The following CD226 variants were observed in gnomAD, a reference collection of about 807,000 sequenced individuals.
CD226 encodes CD226 antigen.
A neutral mutation model predicts 34.9 loss-of-function variants in CD226; 24 were observed. The observed-to-expected ratio is 0.69, with a 90% CI of 0.50 to 0.97. The LOEUF (loss-of-function observed/expected upper bound fraction) is 0.97, where lower values mean the gene tolerates loss of function less well. Among genes scored for constraint, CD226 ranks in the 50% least tolerant of loss-of-function variants. CD226 has a pLI of 0.00. For synonymous variants in CD226, 148 were observed against 147.4 expected (o/e 1.00, Z -0.03); for missense variants, 397 against 412.7 (o/e 0.96, Z 0.33).
intron 2 of CD226, among the ~76,000 whole-genome samples, chr18:69,909,278 C>T (rs990686562): frequency 1.3e-5 from 2 of 152,150 alleles, no homozygotes; most frequent in African/African-American, 4.8e-5. Flanking sequence ...GTGAATGATA[C>T]CAGGAACTCA....
Position 69,946,842 on chromosome 18 carries a change from T to C in CD226, c.274A>G (p.Thr92Ala). 6.2e-7 allele frequency: 1 copy of C among 1,613,358 alleles called. No individual in the cohort carries two copies. The change falls in exon 2 of 6, where the codon ACT becomes GCT. Residue 92 changes from threonine (T) to alanine (A), a missense_variant. Physicochemically the swap from Thr to Ala is moderately conservative, Grantham distance 58. Coordinates refer to ENST00000582621, the MANE Select transcript of CD226 (RefSeq NM_001303618.2). ...LNSTMASNNM[T>A]LFFRNASEDD... The stretch of plus-strand genomic sequence containing the variant: ...TCAGAGGCATTCCGAAAGAAAAGAG[T>C]CATGTTATTGGAAGCCATCGTTGAA...
intron 2 of CD226, among the ~76,000 whole-genome samples, chr18:69,900,687 G>C (rs762318373): frequency 1.8e-3 from 269 of 145,780 alleles, no homozygotes; most frequent in South Asian, 4.8e-3. Context: ...AGCCGAGATT[G>C]CGCCACTGCA....
At chr18:69,956,460 C>G (rs2055898039) in intron 1 of CD226, among the ~76,000 whole-genome samples, 1 of 152,194 alleles carries the variant, frequency 6.6e-6, no homozygotes, top group Admixed American at 6.5e-5. Flanking sequence ...AAAATTAGCT[C>G]AGTTTTCTTA....
At chr18:69,915,462 C>T (rs2055374254) in intron 2 of CD226, among the ~76,000 whole-genome samples, 4 of 152,162 alleles carry the variant, frequency 2.6e-5, no homozygotes, top group Admixed American at 2.6e-4. Flanking sequence ...AATTCTTTTC[C>T]AGATTACAGT....
rs2055798872 is a variant in CD226, at chr18:69,946,834, GAA to G, written c.280_281del (p.Phe94LeufsTer6). The G allele has an allele frequency of 2.5e-6, 4 of 1,614,006 alleles. No individual in the cohort carries two copies. The African/African-American group carries it at 4.0e-5, about 16-fold the overall frequency. On this transcript the variant is annotated frameshift_variant, in exon 2 of 6. Transcript: ENST00000582621. LOFTEE classifies it high-confidence loss of function. ...CATCATCTTCAGAGGCATTCCGAAAGAAAAGAGTCATGTTATTGGAAGCCATC... is the reference window on the plus strand; with the variant it reads ...CATCATCTTCAGAGGCATTCCGAAAGAAGAGTCATGTTATTGGAAGCCATC... ...STMASNNMTL[F>X]FRNASEDDVG...
chr18:69,932,258 A>G lies in CD226; in HGVS notation c.382+14476T>C, dbSNP rs115124463. ...TGAGTGCTCTTTCTAACTGCAGACTAATCGAAATCCCTTGCCTAAAATCTA... is the reference window on the plus strand; with the variant it reads ...TGAGTGCTCTTTCTAACTGCAGACTGATCGAAATCCCTTGCCTAAAATCTA... On this transcript the variant is annotated intron_variant, in intron 2 of 5. Coordinates refer to ENST00000582621, the MANE Select transcript of CD226 (RefSeq NM_001303618.2). Among the ~76,000 whole-genome samples, 1,056 of 152,310 alleles carry G rather than the reference A, an allele frequency of 6.9e-3. 10 individuals are homozygous for G. The highest frequency in any genetic ancestry group is 0.024 in the African/African-American group (993 of 41,562).
chr18:69,941,432 G>T (rs913469472), intron 2 of CD226, among the ~76,000 whole-genome samples: 1 of 152,228 alleles, frequency 6.6e-6, no homozygotes. Flanking sequence ...TAGCCAGAGG[G>T]GTGGAGCTGC....
At chr18:69,959,633 G>C (rs1293431405), upstream of CD226, among the ~76,000 whole-genome samples, 3 of 49,396 alleles carry the variant, frequency 6.1e-5, no homozygotes, top group African/African-American at 7.9e-5. Flanking sequence ...CTACTAAGTG[G>C]AAAAAACAAT....
chr18:69,901,815 C>T (rs1008492001), intron 2 of CD226, among the ~76,000 whole-genome samples: 8 of 151,180 alleles, frequency 5.3e-5, no homozygotes, highest in Non-Finnish European at 1.0e-4. Context: ...GGAGGCAGAG[C>T]TTGCAGTGAG....
intron 2 of CD226, among the ~76,000 whole-genome samples, chr18:69,924,713 G>C (rs375248416): frequency 1.7e-4 from 7 of 40,800 alleles, no homozygotes; most frequent in South Asian, 1.2e-3. Context: ...AAAAAAAAAA[G>C]AATCATTCAA....
At position 69,917,743 on chromosome 18, in the gene CD226, A is replaced by G. The variant is rs376251657; in HGVS notation, c.383-21698T>C. 2.6e-5 allele frequency among the ~76,000 whole-genome samples: 4 copies of G among 152,324 alleles called. No homozygotes were observed. In the South Asian group the frequency reaches 6.2e-4, roughly 24 times the overall value. ...TATGACCTGCGTTATGTGTATAAAT[A>G]TATCTTTAAGTCTTCATACAGCTTC... On this transcript the variant is annotated intron_variant, in intron 2 of 5. Coordinates refer to ENST00000582621, the MANE Select transcript of CD226 (RefSeq NM_001303618.2).
intron 2 of CD226, among the ~76,000 whole-genome samples, chr18:69,898,060 G>A (rs534811728): frequency 6.6e-6 from 1 of 151,266 alleles, no homozygotes; most frequent in East Asian, 1.9e-4. Flanking sequence ...AGGGAAAAAA[G>A]GAAATAAAAG....
chr18:69,944,118 C>T (rs538625234), intron 2 of CD226, among the ~76,000 whole-genome samples: 1 of 151,962 alleles, frequency 6.6e-6, no homozygotes, highest in African/African-American at 2.4e-5. Context: ...TGAAATACAA[C>T]TAATATTTTT....
At chr18:69,883,988 G>A (rs1170903558) in intron 3 of CD226, among the ~76,000 whole-genome samples, 1 of 152,238 alleles carries the variant, frequency 6.6e-6, no homozygotes, top group African/African-American at 2.4e-5. Context: ...AGAAGGACTG[G>A]CTGATGTCCC....
At position 69,861,278 on chromosome 18, in the gene CD226, A is replaced by G. The variant is rs936250503; in HGVS notation, c.*3036T>C. ...ATGATTACAAGTAAATGAAATTTCT[A>G]TTTTATTTTCTCAACATATTATACC... On this transcript the variant is annotated 3_prime_UTR_variant, in exon 6 of 6. Transcript: ENST00000582621. 4 of 150,198 alleles carry G rather than the reference A, an allele frequency of 2.7e-5. No homozygotes were observed. Among genetic ancestry groups the G allele is most frequent in the African/African-American group, 1.0e-4 (4 of 40,022 alleles). 9.3% of individuals were successfully genotyped at this position (150,198 alleles called of 1,614,324 possible).
intron 2 of CD226, among the ~76,000 whole-genome samples, chr18:69,907,595 C>T (rs1395434092): frequency 1.3e-5 from 2 of 152,126 alleles, no homozygotes; most frequent in Non-Finnish European, 2.9e-5. Flanking sequence ...CAGGTGTGTG[C>T]CACCACACCT....
At chr18:69,879,179 A>G (rs181153044) in intron 3 of CD226, among the ~76,000 whole-genome samples, 1 of 152,300 alleles carries the variant, frequency 6.6e-6, no homozygotes, top group African/African-American at 2.4e-5. Context: ...TTGCTAATGA[A>G]GTTTCAGGAA....
At chr18:69,908,553 G>C (rs2145279909) in intron 2 of CD226, among the ~76,000 whole-genome samples, 1 of 152,212 alleles carries the variant, frequency 6.6e-6, no homozygotes, top group East Asian at 1.9e-4. Flanking sequence ...GTTATTAGAG[G>C]CTTCCCTACA....
chr18:69,918,865 C>G (rs1383355044), intron 2 of CD226, among the ~76,000 whole-genome samples: 1 of 152,086 alleles, frequency 6.6e-6, no homozygotes, highest in Admixed American at 6.5e-5. Context: ...GGACTGTTGC[C>G]CAATACGCAT....
Sources: allele counts gnomAD v4.1 joint callset (sites outside exome capture counted in the v4.1 genomes callset), GRCh38; gene constraint gnomAD v4.1.1; transcripts MANE v1.5; gene names NCBI Gene and HGNC (gene_info 2026-07-23, HGNC 2026-07-21).